Variants in LRTM2 observed in about 807,000 individuals in gnomAD.
The protein encoded by LRTM2 is leucine-rich repeat and transmembrane domain-containing protein 2.
Under a neutral mutation model 28.1 loss-of-function variants are expected in LRTM2, and 18 were observed. The ratio of observed to expected loss-of-function variants is 0.64; its 90% CI spans 0.44 to 0.95. The LOEUF (loss-of-function observed/expected upper bound fraction) is 0.95, where lower values mean the gene tolerates loss of function less well. Among genes scored for constraint, LRTM2 ranks in the 40% least tolerant of loss-of-function variants. The pLI is 0.00. For synonymous variants in LRTM2, 250 were observed against 218.7 expected, an observed-to-expected ratio of 1.14 and a Z score of -1.26; for missense variants, 436 against 497.2, an observed-to-expected ratio of 0.88 and a Z score of 1.17.
chr12:1,821,179 C>T (rs952049670), intron 1 of LRTM2, among the ~76,000 whole-genome samples: 1 of 152,208 alleles, frequency 6.6e-6, no homozygotes, highest in African/African-American at 2.4e-5. Context: ...CGGCTCTGCA[C>T]AGACAGCCCC....
rs778916196 is a variant in LRTM2 at position 1,831,410 on chromosome 12, G to A, written c.543G>A (p.Arg181=). ...LRSNRLQNLD[R]LTFEPLANLQ... is the part of the protein sequence containing the mutation. ...CCAACCGTCTGCAGAATCTGGACCG[G>A]CTGACATTTGAACCCCTAGCAAACC... The change falls in exon 4 of 5, where the codon CGG becomes CGA. Residue 181 remains arginine (R), a synonymous_variant. Coordinates refer to ENST00000299194, the MANE Select transcript of LRTM2 (RefSeq NM_001039029.3). 1 of 1,614,104 alleles carries A rather than the reference G, an allele frequency of 6.2e-7. No homozygotes were observed. Among genetic ancestry groups the A allele is most frequent in the Admixed American group, 1.7e-5 (1 of 60,022 alleles).
chr12:1,821,807 G>A (rs1864115361), intron 1 of LRTM2, among the ~76,000 whole-genome samples: 1 of 152,146 alleles, frequency 6.6e-6, no homozygotes, highest in African/African-American at 2.4e-5. Flanking sequence ...TCTGGGGCTG[G>A]GTTCCAGTTG....
Position 1,834,391 on chromosome 12 carries a change from G to A in LRTM2, c.783G>A (p.Gly261=). The change falls in exon 5 of 5, where the codon GGG becomes GGA. Residue 261 remains glycine (G), a synonymous_variant. Transcript: ENST00000299194. The surrounding 1 kb of genome is among the most constrained non-coding windows in gnomAD (Gnocchi z 7.6). ...TGGAGGACGAGAATAGCTCAGCTGG[G>A]CTGGATATTCCTGGGCCACCCTGCA... The part of the protein sequence containing the change: ...SQLEDENSSA[G]LDIPGPPCTK... 1 of 1,613,148 alleles carries A rather than the reference G, an allele frequency of 6.2e-7. No individual in the cohort carries two copies. The highest frequency in any genetic ancestry group is 1.1e-5 in the South Asian group (1 of 91,080).
intron 1 of LRTM2, among the ~76,000 whole-genome samples, chr12:1,822,925 C>T (rs1478241679): frequency 6.6e-6 from 1 of 152,224 alleles, no homozygotes; most frequent in Non-Finnish European, 1.5e-5. Context: ...CCCTCTCAGC[C>T]TTCCTGGGGT....
At chr12:1,830,465 G>A (rs1321995990) in intron 3 of LRTM2, among the ~76,000 whole-genome samples, 1 of 152,238 alleles carries the variant, frequency 6.6e-6, no homozygotes, top group Admixed American at 6.5e-5. Context: ...CATTTTCCCT[G>A]GGAAACAAAC....
chr12:1,831,218 TCTGA>T lies in LRTM2; in HGVS notation c.356_359del (p.Thr119SerfsTer63). The T allele has an allele frequency of 6.2e-7, 1 of 1,613,892 alleles. No individual in the cohort carries two copies. The highest frequency in any genetic ancestry group is 8.5e-7 in the Non-Finnish European group (1 of 1,180,028). Reference sequence around the variant, plus strand: ...GCTCCATTTTCGGGGACCTGACGAATCTGACTGAGCTTCAGCTGCGCAATAACAG... The same window carrying T: ...GCTCCATTTTCGGGGACCTGACGAATCTGAGCTTCAGCTGCGCAATAACAG... On this transcript the variant is annotated frameshift_variant, in exon 4 of 5. Coordinates refer to ENST00000299194, the MANE Select transcript of LRTM2 (RefSeq NM_001039029.3). LOFTEE classifies it high-confidence loss of function.
At position 1,833,936 on chromosome 12, in the gene LRTM2, T is replaced by C. The variant is rs1465156238; in HGVS notation, c.659-331T>C. Reference sequence around the variant, plus strand: ...GGAACCTCCCCATGTTAGCACTGCCTTACTCTGTGGGTCCGTTTGGCCTGG... The same window carrying C: ...GGAACCTCCCCATGTTAGCACTGCCCTACTCTGTGGGTCCGTTTGGCCTGG... On this transcript the variant is annotated intron_variant, in intron 4 of 4. Transcript: ENST00000299194. The surrounding 1 kb of genome is among the most constrained non-coding windows in gnomAD (Gnocchi z 4.2). 6.6e-6 allele frequency among the ~76,000 whole-genome samples: 1 copy of C among 152,164 alleles called. No homozygotes were observed. Among genetic ancestry groups the C allele is most frequent in the Admixed American group, 6.5e-5 (1 of 15,282 alleles).
intron 1 of LRTM2, among the ~76,000 whole-genome samples, chr12:1,825,373 G>A (rs1350291474): frequency 6.6e-6 from 1 of 152,258 alleles, no homozygotes; most frequent in Admixed American, 6.5e-5. Context: ...AGGAGTGGGA[G>A]CAGACACCTG....
In LRTM2 at chr12:1,834,767, C is replaced by T. The variant is rs145529491; in HGVS notation, c.*46C>T. The stretch of plus-strand genomic sequence containing the variant: ...AGGTAGGAAGGGCGGGGAGAGCACA[C>T]GGCATTGCTCAGCCACAGCTCCCAC... On this transcript the variant is annotated 3_prime_UTR_variant, in exon 5 of 5. Transcript: ENST00000299194. The surrounding 1 kb of genome is among the most constrained non-coding windows in gnomAD (Gnocchi z 7.6). 2.2e-4 allele frequency: 332 copies of T among 1,530,334 alleles called. 1 individual carries two copies. The African/African-American group carries it at 3.5e-3, about 16-fold the overall frequency. The allele number at this position is 1,530,334 out of a possible 1,614,324, so 94.8% of individuals were successfully genotyped here.
chr12:1,828,088 G>A lies in LRTM2; in HGVS notation c.-61G>A. ...CTCCCTCCCTCAGGACTGACAGGCG[G>A]CGCACCCAGGGGCTCCTCTCTCCCC... On this transcript the variant is annotated 5_prime_UTR_variant, in exon 3 of 5. Coordinates refer to ENST00000299194, the MANE Select transcript of LRTM2 (RefSeq NM_001039029.3). The surrounding 1 kb of genome is among the most constrained non-coding windows in gnomAD (Gnocchi z 4.2). The A allele has an allele frequency of 2.1e-6, 3 of 1,438,710 alleles. No individual in the cohort carries two copies. The highest frequency in any genetic ancestry group is 1.4e-5 in the South Asian group (1 of 70,818). 89.1% of individuals were successfully genotyped at this position (1,438,710 alleles called of 1,614,324 possible).
chr12:1,830,794 T>C, intron 3 of LRTM2, 141 bp from the exon 4 acceptor site: 3 of 680,328 alleles, frequency 4.4e-6, no homozygotes, highest in Non-Finnish European at 7.3e-6. Flanking sequence ...ATGTGGTTAA[T>C]AAACGTTTAT....
In LRTM2 at chr12:1,835,126, G is replaced by A; in HGVS notation, c.*405G>A. 5.5e-6 allele frequency: 1 copy of A among 182,058 alleles called. No individual in the cohort carries two copies. Among genetic ancestry groups the A allele is most frequent in the Non-Finnish European group, 1.1e-5 (1 of 87,160 alleles). 11.3% of individuals were successfully genotyped at this position (182,058 alleles called of 1,614,324 possible). A position where few individuals can be genotyped will look rare whatever the true frequency, so the allele number is the denominator to read the frequency against. On this transcript the variant is annotated 3_prime_UTR_variant, in exon 5 of 5. Coordinates refer to ENST00000299194, the MANE Select transcript of LRTM2 (RefSeq NM_001039029.3). ...CTCACCTGCATTGAGGGGACGGGGA[G>A]GGAGGGATCTGAGGGATGAAGGTAG...
At chr12:1,823,794 C>G (rs1023136337) in intron 1 of LRTM2, among the ~76,000 whole-genome samples, 1 of 152,200 alleles carries the variant, frequency 6.6e-6, no homozygotes, top group Non-Finnish European at 1.5e-5. Context: ...AAAACAGCTG[C>G]CTTCTCAGCT....
Position 1,835,242 on chromosome 12 carries a change from G to C in LRTM2, c.*521G>C, listed in dbSNP as rs1360017174. Reference sequence around the variant, plus strand: ...CAGCTCTACAACTGTTGGTACCAATGTGCAAACACACCAGCCCTGCCATCT... The same window carrying C: ...CAGCTCTACAACTGTTGGTACCAATCTGCAAACACACCAGCCCTGCCATCT... On this transcript the variant is annotated 3_prime_UTR_variant, in exon 5 of 5. Transcript: ENST00000299194. 1 of 154,628 alleles carries C rather than the reference G, an allele frequency of 6.5e-6. No homozygotes were observed. The highest frequency in any genetic ancestry group is 2.4e-5 in the African/African-American group (1 of 41,420). The allele number at this position is 154,628 out of a possible 1,614,324, so 9.6% of individuals were successfully genotyped here. A position where few individuals can be genotyped will look rare whatever the true frequency, so the allele number is the denominator to read the frequency against.
rs1864449063 is a variant in LRTM2 at position 1,828,289 on chromosome 12, A to G, written c.67+74A>G. ...CCGAGGTGACTGTAGGTAGCGCCAT[A>G]TGGGACCTTAGCCACACTCAGGCTG... On this transcript the variant is annotated intron_variant, in intron 3 of 4. Transcript: ENST00000299194. The surrounding 1 kb of genome is among the most constrained non-coding windows in gnomAD (Gnocchi z 4.2). The G allele has an allele frequency of 1.5e-6, 2 of 1,304,628 alleles. No homozygotes were observed. Among genetic ancestry groups the G allele is most frequent in the Non-Finnish European group, 2.1e-6 (2 of 956,140 alleles). 80.8% of individuals were successfully genotyped at this position (1,304,628 alleles called of 1,614,324 possible).
In LRTM2 at chr12:1,834,153, C is replaced by T. The variant is rs1864748394; in HGVS notation, c.659-114C>T. ...TAGATGGTGATTCCAGGATTGACTA[C>T]ATTGCTGATAAAAACTACCTTCTGG... On this transcript the variant is annotated intron_variant, in intron 4 of 4. Coordinates refer to ENST00000299194, the MANE Select transcript of LRTM2 (RefSeq NM_001039029.3). This position sits in a 1 kb window ranked among gnomAD's most constrained non-coding sequence, Gnocchi z 7.6. The T allele has an allele frequency of 8.2e-7, 1 of 1,215,818 alleles. No individual in the cohort carries two copies. The highest frequency in any genetic ancestry group is 1.1e-6 in the Non-Finnish European group (1 of 895,036). 75.3% of individuals were successfully genotyped at this position (1,215,818 alleles called of 1,614,324 possible).
chr12:1,831,494 C>G lies in LRTM2; in HGVS notation c.627C>G (p.Phe209Leu). 6.2e-7 allele frequency: 1 copy of G among 1,613,690 alleles called. No individual in the cohort carries two copies. Among genetic ancestry groups the G allele is most frequent in the Non-Finnish European group, 8.5e-7 (1 of 1,179,962 alleles). Residue 209 changes from phenylalanine to leucine, a missense_variant, in exon 4 of 5, where the codon TTC (phenylalanine) becomes TTG (leucine). Coordinates refer to ENST00000299194, the MANE Select transcript of LRTM2 (RefSeq NM_001039029.3). ...AGTGTGACTGTAACCTGCGTGAGTT[C>G]AAACACTGGATGGAGTGGTTCTCCT... is the stretch of plus-strand genomic sequence containing the variant. ...PWECDCNLRE[F>L]KHWMEWFSYR...
Position 1,835,125 on chromosome 12 carries a change from A to C in LRTM2, c.*404A>C. On this transcript the variant is annotated 3_prime_UTR_variant, in exon 5 of 5. Coordinates refer to ENST00000299194, the MANE Select transcript of LRTM2 (RefSeq NM_001039029.3). Reference sequence around the variant, plus strand: ...CCTCACCTGCATTGAGGGGACGGGGAGGGAGGGATCTGAGGGATGAAGGTA... The same window carrying C: ...CCTCACCTGCATTGAGGGGACGGGGCGGGAGGGATCTGAGGGATGAAGGTA... 1 of 180,850 alleles carries C rather than the reference A, an allele frequency of 5.5e-6. No homozygotes were observed. Among genetic ancestry groups the C allele is most frequent in the Non-Finnish European group, 1.2e-5 (1 of 86,316 alleles). The allele number at this position is 180,850 out of a possible 1,614,324, so 11.2% of individuals were successfully genotyped here.
Position 1,829,472 on chromosome 12 carries a change from G to GTGCTCAC in LRTM2, c.67+1259_67+1265dup, listed in dbSNP as rs2154447001. 6.6e-6 allele frequency among the ~76,000 whole-genome samples: 1 copy of GTGCTCAC among 152,164 alleles called. No individual in the cohort carries two copies. The highest frequency in any genetic ancestry group is 2.1e-4 in the South Asian group (1 of 4,810). On this transcript the variant is annotated intron_variant, in intron 3 of 4. Transcript: ENST00000299194. The surrounding 1 kb of genome is among the most constrained non-coding windows in gnomAD (Gnocchi z 4.2). ...TCCGGTGGCTTCCATGGCTGTACCT[G>GTGCTCAC]TGCTCACTTCTCGCCAAGAACAGTG...
Sources: allele counts gnomAD v4.1 joint callset (sites outside exome capture counted in the v4.1 genomes callset), GRCh38; gene constraint gnomAD v4.1.1; non-coding constraint Gnocchi (gnomAD v3.1); transcripts MANE v1.5; gene names NCBI Gene and HGNC (gene_info 2026-07-23, HGNC 2026-07-21).